The following LPP variants were observed in gnomAD, a reference collection of about 807,000 sequenced individuals.
LPP encodes LIM domain containing preferred translocation partner in lipoma.
Under a neutral mutation model 60.4 loss-of-function variants are expected in LPP, and 38 were observed. The ratio of observed to expected loss-of-function variants is 0.63; its 90% confidence interval spans 0.49 to 0.83. LPP has a LOEUF of 0.83. Among genes scored for constraint, LPP ranks in the 40% least tolerant of loss-of-function variants. The probability of loss-of-function intolerance (pLI) is 0.00; values close to 1 mark genes in which losing one functional copy is unlikely to be tolerated. For synonymous variants in LPP, 328 were observed against 290.8 expected (o/e 1.13, Z -1.30); for missense variants, 902 against 783.6 (o/e 1.15, Z -1.80).
intron 1 of LPP, among the ~76,000 whole-genome samples, chr3:188,209,816 T>G (rs940164480): frequency 2.0e-5 from 3 of 152,224 alleles, no homozygotes; most frequent in South Asian, 4.1e-4. Flanking sequence ...TAGTAGGGTA[T>G]GACTTGTGAG....
chr3:188,583,796 A>T (rs955310799), intron 6 of LPP, among the ~76,000 whole-genome samples: 5 of 152,192 alleles, frequency 3.3e-5, no homozygotes, highest in African/African-American at 9.7e-5. Flanking sequence ...CTTCTGTATC[A>T]TAAAATAGAA....
chr3:188,808,246 T>C (rs1749769986), intron 9 of LPP, among the ~76,000 whole-genome samples: 1 of 152,184 alleles, frequency 6.6e-6, no homozygotes, highest in South Asian at 2.1e-4. Flanking sequence ...ACTTCTTTTT[T>C]TGTCTGTCTC....
chr3:188,345,432 C>T (rs1354034671), intron 3 of LPP, among the ~76,000 whole-genome samples: 1 of 152,052 alleles, frequency 6.6e-6, no homozygotes, highest in African/African-American at 2.4e-5. Context: ...CGCCTCCTGC[C>T]CTTTTCTGAA....
At chr3:188,289,883 T>G (rs1391395430) in intron 2 of LPP, among the ~76,000 whole-genome samples, 1 of 152,224 alleles carries the variant, frequency 6.6e-6, no homozygotes, top group Non-Finnish European at 1.5e-5. Flanking sequence ...TATAAAATCT[T>G]TCTCTCAATA....
At chr3:188,224,548 C>T (rs1717006682) in intron 1 of LPP, among the ~76,000 whole-genome samples, 1 of 152,076 alleles carries the variant, frequency 6.6e-6, no homozygotes, top group African/African-American at 2.4e-5. Flanking sequence ...ATAGCTGAGG[C>T]TCGGTAATCT....
chr3:188,668,822 A>G (rs1576937234), intron 7 of LPP, among the ~76,000 whole-genome samples: 2 of 152,190 alleles, frequency 1.3e-5, no homozygotes, highest in South Asian at 4.1e-4. Context: ...CTTATTGTTC[A>G]TACTCTTTAT....
intron 4 of LPP, among the ~76,000 whole-genome samples, chr3:188,422,958 T>TG (rs1560384297): frequency 1.3e-5 from 2 of 150,292 alleles, no homozygotes; most frequent in Non-Finnish European, 3.0e-5. Flanking sequence ...TGTGTGTGTG[T>TG]TTTAATTGTA....
chr3:188,643,301 G>A (rs1850517693), intron 7 of LPP, among the ~76,000 whole-genome samples: 1 of 152,126 alleles, frequency 6.6e-6, no homozygotes, highest in African/African-American at 2.4e-5. Flanking sequence ...TCTATTTATA[G>A]ACGAGTAAAA....
At chr3:188,636,365 G>A (rs1848760908) in intron 7 of LPP, among the ~76,000 whole-genome samples, 2 of 152,188 alleles carry the variant, frequency 1.3e-5, no homozygotes, top group South Asian at 2.1e-4. Context: ...AAAAAACGGT[G>A]CACCACGAGA....
At chr3:188,622,769 C>T (rs887878188) in intron 7 of LPP, among the ~76,000 whole-genome samples, 1 of 152,000 alleles carries the variant, frequency 6.6e-6, no homozygotes, top group African/African-American at 2.4e-5. Context: ...GTGGCTCACA[C>T]CTGTAATCCC....
intron 6 of LPP, among the ~76,000 whole-genome samples, chr3:188,592,563 T>TTTTTTTTTTTTTTTTTTTTCTTGG: frequency 1.3e-5 from 1 of 77,226 alleles, no homozygotes; most frequent in African/African-American, 4.7e-5. Context: ...TTTTGTTTTT[T>TTTTTTTTTTTTTTTTTTTTCTTGG]AAATGGAGTC....
chr3:188,647,445 C>T (rs1036326587), intron 7 of LPP, among the ~76,000 whole-genome samples: 1 of 152,140 alleles, frequency 6.6e-6, no homozygotes, highest in African/African-American at 2.4e-5. Flanking sequence ...TCACTTGTTC[C>T]TTTTCTCCTG....
intron 6 of LPP, among the ~76,000 whole-genome samples, chr3:188,588,671 G>A (rs1838018821): frequency 6.6e-6 from 1 of 152,228 alleles, no homozygotes; most frequent in Non-Finnish European, 1.5e-5. Flanking sequence ...ATAAGGACTA[G>A]TAGATTGTAT....
chr3:188,345,484 G>A (rs1002026620), intron 3 of LPP, among the ~76,000 whole-genome samples: 2 of 152,132 alleles, frequency 1.3e-5, no homozygotes, highest in South Asian at 4.2e-4. Flanking sequence ...CCTGTTTCCT[G>A]CACATTGTTG....
intron 5 of LPP, among the ~76,000 whole-genome samples, chr3:188,491,225 A>T (rs1354320040): frequency 6.6e-6 from 1 of 152,166 alleles, no homozygotes; most frequent in Non-Finnish European, 1.5e-5. Context: ...CGTGGGTTGG[A>T]CCACCTTATC....
intron 9 of LPP, among the ~76,000 whole-genome samples, chr3:188,858,892 C>A (rs932656532): frequency 1.3e-5 from 2 of 151,924 alleles, no homozygotes; most frequent in African/African-American, 4.8e-5. Flanking sequence ...GAGTTCAAGA[C>A]CAGCCTGGCC....
At chr3:188,342,736 T>G (rs1763375789) in intron 3 of LPP, among the ~76,000 whole-genome samples, 1 of 152,142 alleles carries the variant, frequency 6.6e-6, no homozygotes, top group African/African-American at 2.4e-5. Flanking sequence ...TTTGTAGGAC[T>G]TAGAAAATTT....
At chr3:188,476,188 G>A (rs750023808) in intron 4 of LPP, among the ~76,000 whole-genome samples, 2 of 152,114 alleles carry the variant, frequency 1.3e-5, no homozygotes, top group East Asian at 3.9e-4. Context: ...GTTCCATGGG[G>A]CTTCGTGGAG....
chr3:188,499,219 A>G (rs1452881465), intron 5 of LPP, among the ~76,000 whole-genome samples: 1 of 152,214 alleles, frequency 6.6e-6, no homozygotes, highest in Non-Finnish European at 1.5e-5. Context: ...ATTCAATGTC[A>G]TGATGCTTTT....
Sources: allele counts gnomAD v4.1 joint callset (sites outside exome capture counted in the v4.1 genomes callset), GRCh38; gene constraint gnomAD v4.1.1; transcripts MANE v1.5; gene names NCBI Gene and HGNC (gene_info 2026-07-23, HGNC 2026-07-21).